The following CHEK2 variants were observed in gnomAD, a reference collection of about 807,000 sequenced individuals.
CHEK2 encodes the protein serine/threonine-protein kinase Chk2.
CHEK2 carries 71 observed loss-of-function variants against 69.1 expected under a neutral mutation model. That is an observed-to-expected ratio of 1.03 (90% CI 0.85 to 1.25). CHEK2 has a LOEUF of 1.25. CHEK2 is among the 50% of genes most tolerant of loss of function. The pLI is 0.00. For missense variants in CHEK2, 664 were observed against 649.6 expected (o/e 1.02, Z -0.24); for synonymous variants, 189 against 226.9 (o/e 0.83, Z 1.50).
At chr22:28,689,279 G>A (rs775292304) in intron 13 of CHEK2, 64 bp from the exon 14 acceptor site, 7 of 1,090,678 alleles carry the variant, frequency 6.4e-6, no homozygotes, top group African/African-American at 4.6e-5. Context: ...AGAATGACAG[G>A]GCTAGCATGC....
chr22:28,714,876 T>A (rs2053533686), intron 5 of CHEK2, among the ~76,000 whole-genome samples: 1 of 152,180 alleles, frequency 6.6e-6, no homozygotes, highest in South Asian at 2.1e-4. Context: ...CACTTTCCAA[T>A]TTCCCTTCTC....
intron 6 of CHEK2, among the ~76,000 whole-genome samples, chr22:28,711,031 G>T (rs929583992): frequency 3.3e-5 from 5 of 152,094 alleles, no homozygotes; most frequent in Non-Finnish European, 4.4e-5. Context: ...GAATGGCATT[G>T]TCTAGGGGGA....
chr22:28,734,106 A>G (rs576394389), intron 2 of CHEK2, among the ~76,000 whole-genome samples: 1 of 152,204 alleles, frequency 6.6e-6, no homozygotes, highest in East Asian at 1.9e-4. Context: ...TCATTTACAT[A>G]GGATGTAAAC....
chr22:28,740,543 A>G (rs911407163), intron 1 of CHEK2, among the ~76,000 whole-genome samples: 1 of 152,210 alleles, frequency 6.6e-6, no homozygotes, highest in Non-Finnish European at 1.5e-5. Context: ...TTTTTAATCT[A>G]TAACATTTAC....
chr22:28,735,079 A>G (rs2054356687), intron 1 of CHEK2, among the ~76,000 whole-genome samples: 1 of 152,134 alleles, frequency 6.6e-6, no homozygotes, highest in African/African-American at 2.4e-5. Flanking sequence ...GAAACCAAAA[A>G]TGTACTGATA....
At chr22:28,698,486 T>G (rs1313854493) in intron 9 of CHEK2, among the ~76,000 whole-genome samples, 2 of 152,104 alleles carry the variant, frequency 1.3e-5, no homozygotes, top group Non-Finnish European at 2.9e-5. Context: ...GAACAAAAAT[T>G]TTTTGCAAAA....
Position 28,722,428 on chromosome 22 carries a change from T to G in CHEK2, c.592+2549A>C, listed in dbSNP as rs1281905759. On this transcript the variant is annotated intron_variant, in intron 4 of 14. Transcript: ENST00000404276. ...AGTGGCGGGCGCCTATAGTCCCAAC[T>G]ACTTGGGAGGCTGAGGCAGGAGAAT... Among the ~76,000 whole-genome samples, 3 of 149,180 alleles carry G rather than the reference T, an allele frequency of 2.0e-5. No individual in the cohort carries two copies. In the East Asian group the frequency reaches 5.9e-4, roughly 30 times the overall value.
intron 8 of CHEK2, among the ~76,000 whole-genome samples, chr22:28,702,913 G>A (rs192077770): frequency 2.8e-4 from 42 of 152,308 alleles, no homozygotes; most frequent in African/African-American, 9.4e-4. Context: ...TATGTAAATA[G>A]TGGTTCTACA....
intron 5 of CHEK2, among the ~76,000 whole-genome samples, chr22:28,717,137 G>T (rs988364173): frequency 6.6e-6 from 1 of 151,858 alleles, no homozygotes; most frequent in Admixed American, 6.6e-5. Flanking sequence ...CCAGCACTTT[G>T]GGGGACCGAG....
At chr22:28,706,851 G>A (rs1201264660) in intron 7 of CHEK2, among the ~76,000 whole-genome samples, 5 of 151,420 alleles carry the variant, frequency 3.3e-5, no homozygotes, top group African/African-American at 1.2e-4. Context: ...TGGAGGCGGA[G>A]GTTGCAGTAA....
At chr22:28,709,474 T>C (rs2053304206) in intron 7 of CHEK2, among the ~76,000 whole-genome samples, 1 of 152,242 alleles carries the variant, frequency 6.6e-6, no homozygotes, top group Non-Finnish European at 1.5e-5. Context: ...GTTTATTTAA[T>C]CATGAAATCT....
At chr22:28,734,288 T>C in intron 2 of CHEK2, 115 bp downstream of exon 2, 3 of 926,038 alleles carry the variant, frequency 3.2e-6, no homozygotes, top group Non-Finnish European at 5.1e-6. Context: ...TTCAATTATT[T>C]GTTCAACGTG....
At chr22:28,713,646 G>A (rs746612404) in intron 5 of CHEK2, among the ~76,000 whole-genome samples, 11 of 151,242 alleles carry the variant, frequency 7.3e-5, no homozygotes, top group East Asian at 5.9e-4. Context: ...GTGAGCCACC[G>A]CACTCGGCCA....
chr22:28,729,683 C>T (rs1046876133), intron 2 of CHEK2, among the ~76,000 whole-genome samples: 1 of 151,604 alleles, frequency 6.6e-6, no homozygotes, highest in African/African-American at 2.4e-5. Flanking sequence ...AATGCAACAC[C>T]CTTTTATAAC....
At chr22:28,714,087 G>GT (rs1034962639) in intron 5 of CHEK2, among the ~76,000 whole-genome samples, 19 of 151,708 alleles carry the variant, frequency 1.3e-4, no homozygotes, top group Non-Finnish European at 2.5e-4. Context: ...TGTTGTTGTT[G>GT]TTTTTTATGC....
At chr22:28,696,628 G>A (rs939945624) in intron 10 of CHEK2, among the ~76,000 whole-genome samples, 4 of 152,060 alleles carry the variant, frequency 2.6e-5, no homozygotes, top group African/African-American at 9.7e-5. Context: ...CAAAGTGCTG[G>A]GATTACAGGT....
intron 7 of CHEK2, 105 bp from the exon 8 acceptor site, chr22:28,703,671 G>A: frequency 9.5e-6 from 7 of 735,796 alleles, no homozygotes. Flanking sequence ...CCAAGAACAG[G>A]CATCTGGCCC....
chr22:28,717,954 G>A (rs892800260), intron 5 of CHEK2, among the ~76,000 whole-genome samples: 3 of 152,066 alleles, frequency 2.0e-5, no homozygotes, highest in Non-Finnish European at 4.4e-5. Flanking sequence ...GATGGTGCAA[G>A]CCTGTAGTCC....
At chr22:28,693,329 GCAGGTGACAGCCT>G (rs1202866531) in intron 13 of CHEK2, among the ~76,000 whole-genome samples, 1 of 152,130 alleles carries the variant, frequency 6.6e-6, no homozygotes, top group Non-Finnish European at 1.5e-5. Context: ...GATGAAAAGT[GCAGGTGACAGCCT>G]TCATTAAGGA....
Sources: allele counts gnomAD v4.1 joint callset (sites outside exome capture counted in the v4.1 genomes callset), GRCh38; gene constraint gnomAD v4.1.1; transcripts MANE v1.5; gene names NCBI Gene and HGNC (gene_info 2026-07-23, HGNC 2026-07-21).